Variants in DCC observed in about 807,000 individuals in gnomAD.
DCC encodes netrin receptor DCC.
A neutral mutation model predicts 172.5 loss-of-function variants in DCC; 58 were observed. The ratio of observed to expected loss-of-function variants is 0.34; its 90% confidence interval spans 0.27 to 0.42. The LOEUF (loss-of-function observed/expected upper bound fraction) is 0.42, where lower values mean the gene tolerates loss of function less well. DCC is among the 10% of genes least tolerant of loss of function. The pLI, the probability that DCC is intolerant of heterozygous loss-of-function variation, is 1.00. For missense variants in DCC, 1,740 were observed against 1,791.0 expected, an observed-to-expected ratio of 0.97 and a Z score of 0.51; for synonymous variants, 709 against 644.5, an observed-to-expected ratio of 1.10 and a Z score of -1.52.
At chr18:53,306,724 GA>G (rs1320990378) in intron 13 of DCC, among the ~76,000 whole-genome samples, 28 of 152,222 alleles carry the variant, frequency 1.8e-4, no homozygotes, top group Non-Finnish European at 2.5e-4. Flanking sequence ...CATTTTATGT[GA>G]TGGTGGCTTG....
intron 1 of DCC, among the ~76,000 whole-genome samples, chr18:52,531,330 C>T (rs2032143221): frequency 6.6e-6 from 1 of 152,116 alleles, no homozygotes; most frequent in South Asian, 2.1e-4. Context: ...AAAAAGAATC[C>T]TCTAGAAATC....
intron 13 of DCC, among the ~76,000 whole-genome samples, chr18:53,318,582 G>A (rs1195304556): frequency 6.6e-6 from 1 of 152,126 alleles, no homozygotes; most frequent in Non-Finnish European, 1.5e-5. Flanking sequence ...GACAGTGGGT[G>A]TTAAAGTCTC....
At chr18:53,392,263 A>G (rs948816077) in intron 17 of DCC, among the ~76,000 whole-genome samples, 4 of 152,158 alleles carry the variant, frequency 2.6e-5, no homozygotes, top group African/African-American at 9.6e-5. Context: ...ATTGATTTAC[A>G]AAGCGACCCT....
chr18:53,425,506 C>T (rs540124041), intron 21 of DCC, among the ~76,000 whole-genome samples: 2 of 151,720 alleles, frequency 1.3e-5, no homozygotes, highest in African/African-American at 4.8e-5. Context: ...ATTACAGTCC[C>T]CTGCCCCACT....
intron 5 of DCC, among the ~76,000 whole-genome samples, chr18:53,041,418 C>A (rs1204488962): frequency 2.0e-5 from 3 of 151,990 alleles, no homozygotes; most frequent in Non-Finnish European, 4.4e-5. Context: ...GTTACTGTAG[C>A]CTTGTAGTAT....
At chr18:52,532,145 A>C (rs1439488708) in intron 1 of DCC, among the ~76,000 whole-genome samples, 1 of 152,164 alleles carries the variant, frequency 6.6e-6, no homozygotes, top group Non-Finnish European at 1.5e-5. Flanking sequence ...CTGTGTACAG[A>C]ACTTATTCTA....
chr18:52,877,343 G>A (rs1019151189), intron 2 of DCC, among the ~76,000 whole-genome samples: 1 of 152,070 alleles, frequency 6.6e-6, no homozygotes, highest in African/African-American at 2.4e-5. Context: ...CCCCAGTTTC[G>A]AACTATTGGT....
chr18:52,519,362 T>C (rs568062452), intron 1 of DCC, among the ~76,000 whole-genome samples: 3 of 152,198 alleles, frequency 2.0e-5, no homozygotes, highest in African/African-American at 7.2e-5. Context: ...CTTTTTTCTT[T>C]ATATAATTTT....
At chr18:52,814,880 A>T (rs1337580143) in intron 2 of DCC, among the ~76,000 whole-genome samples, 1 of 152,162 alleles carries the variant, frequency 6.6e-6, no homozygotes, top group African/African-American at 2.4e-5. Context: ...TGGTACAGTG[A>T]GTGATTAGGA....
At chr18:53,214,954 A>T (rs1003215073) in intron 11 of DCC, among the ~76,000 whole-genome samples, 7 of 152,182 alleles carry the variant, frequency 4.6e-5, no homozygotes, top group African/African-American at 1.4e-4. Flanking sequence ...AAAGAAAAAT[A>T]TACTGCTGCT....
intron 7 of DCC, among the ~76,000 whole-genome samples, chr18:53,147,739 A>AT (rs1231734959): frequency 6.6e-6 from 1 of 152,004 alleles, no homozygotes; most frequent in Non-Finnish European, 1.5e-5. Context: ...TTCTCAGATA[A>AT]TTTTTTTTAG....
intron 1 of DCC, among the ~76,000 whole-genome samples, chr18:52,382,942 A>AC (rs1192827194): frequency 6.6e-6 from 1 of 152,124 alleles, no homozygotes; most frequent in African/African-American, 2.4e-5. Context: ...AAATAATATT[A>AC]CCATGTTTTA....
intron 12 of DCC, among the ~76,000 whole-genome samples, chr18:53,290,935 G>A (rs923640618): frequency 1.3e-5 from 2 of 152,136 alleles, no homozygotes; most frequent in Non-Finnish European, 2.9e-5. Context: ...TTGGGAGGCT[G>A]AGGCTAGCGG....
At chr18:53,410,321 G>T in intron 19 of DCC, 131 bp from the exon 20 acceptor site, 2 of 689,976 alleles carry the variant, frequency 2.9e-6, no homozygotes, top group South Asian at 1.6e-5. Context: ...ATTACTTACA[G>T]AACTGCTGTA....
intron 11 of DCC, among the ~76,000 whole-genome samples, chr18:53,211,673 G>A (rs992462134): frequency 2.0e-5 from 3 of 151,826 alleles, no homozygotes; most frequent in Non-Finnish European, 4.4e-5. Context: ...GCAGTGAGCC[G>A]AGATCGTGCC....
chr18:53,173,943 A>C (rs2055051313), intron 8 of DCC, among the ~76,000 whole-genome samples: 1 of 102,946 alleles, frequency 9.7e-6, no homozygotes, highest in South Asian at 4.1e-4. Flanking sequence ...AGCTCTCCTC[A>C]GCAAATGTAA....
At chr18:53,441,286 C>A (rs570463100) in intron 22 of DCC, among the ~76,000 whole-genome samples, 34 of 152,144 alleles carry the variant, frequency 2.2e-4, no homozygotes, top group African/African-American at 7.9e-4. Flanking sequence ...TTTTGCCAGG[C>A]CTTTGTCTTC....
chr18:53,492,622 G>GT (rs1298231848), intron 26 of DCC, among the ~76,000 whole-genome samples: 2 of 152,154 alleles, frequency 1.3e-5, no homozygotes, highest in African/African-American at 4.8e-5. Context: ...TTGTAGATGT[G>GT]TGGTATTATT....
At chr18:52,495,812 G>C (rs1311144329) in intron 1 of DCC, among the ~76,000 whole-genome samples, 1 of 149,670 alleles carries the variant, frequency 6.7e-6, no homozygotes, top group Non-Finnish European at 1.5e-5. Flanking sequence ...GCATTGTTCT[G>C]AGACAATATT....
Sources: allele counts gnomAD v4.1 joint callset (sites outside exome capture counted in the v4.1 genomes callset), GRCh38; gene constraint gnomAD v4.1.1; transcripts MANE v1.5; gene names NCBI Gene and HGNC (gene_info 2026-07-23, HGNC 2026-07-21).